TRMT44: variants seen among roughly 807,000 people sequenced by gnomAD.
TRMT44 encodes tRNA methyltransferase 44 homolog, also known as probable tRNA (uracil-O(2)-)-methyltransferase.
In TRMT44, 78 loss-of-function variants were observed where a neutral mutation model predicts 77.3. That is an observed-to-expected ratio of 1.01 (90% CI 0.84 to 1.22). TRMT44 has a LOEUF of 1.22. TRMT44 is among the 50% of genes most tolerant of loss of function. The pLI is 0.00. For missense variants in TRMT44, 1,090 were observed against 964.4 expected (o/e 1.13, Z -1.73); for synonymous variants, 391 against 383.3 (o/e 1.02, Z -0.23).
chr4:8,514,726 C>T, the TRMT44 span, among the ~76,000 whole-genome samples: 4 of 152,122 alleles, frequency 2.6e-5, no homozygotes, highest in Non-Finnish European at 4.4e-5. Flanking sequence ...TGGGGGGCAG[C>T]GCTACATGGA....
At chr4:8,498,215 C>T (rs1357780923), downstream of TRMT44, among the ~76,000 whole-genome samples, 1 of 152,190 alleles carries the variant, frequency 6.6e-6, no homozygotes, top group Non-Finnish European at 1.5e-5. This position sits in a 1 kb window ranked among gnomAD's most constrained non-coding sequence, Gnocchi z 4.3. Flanking sequence ...AAGATGATGA[C>T]ATTTTGCTTG....
At chr4:8,456,923 A>G (rs1251769122) in intron 6 of TRMT44, among the ~76,000 whole-genome samples, 1 of 152,058 alleles carries the variant, frequency 6.6e-6, no homozygotes, top group Non-Finnish European at 1.5e-5. Context: ...GTGGTGGCTC[A>G]TGCCTGTAAT....
chr4:8,504,708 C>T, the TRMT44 span, among the ~76,000 whole-genome samples: 3,104 of 152,240 alleles, frequency 0.02, 85 homozygotes, highest in African/African-American at 0.071. The surrounding 1 kb of genome is among the most constrained non-coding windows in gnomAD (Gnocchi z 5.3). Flanking sequence ...CCTGGGGTCT[C>T]AAGGGTCTGC....
intron 2 of TRMT44, among the ~76,000 whole-genome samples, chr4:8,484,358 C>T (rs1455126288): frequency 2.0e-5 from 3 of 151,916 alleles, no homozygotes; most frequent in Admixed American, 1.3e-4. Context: ...CTGAAGGAGC[C>T]GGAGAGCAGA....
chr4:8,499,675 C>G, the TRMT44 span, among the ~76,000 whole-genome samples: 1 of 151,972 alleles, frequency 6.6e-6, no homozygotes, highest in Non-Finnish European at 1.5e-5. Context: ...AAACTAAATA[C>G]CGTGTGTTCT....
chr4:8,481,955 A>G (rs1432893642), intron 2 of TRMT44, among the ~76,000 whole-genome samples: 3 of 152,150 alleles, frequency 2.0e-5, no homozygotes, highest in African/African-American at 4.8e-5. Flanking sequence ...TTCATCATAG[A>G]TTTGCCTGTA....
the TRMT44 span, chr4:8,509,485 C>T: frequency 2.0e-5 from 3 of 152,708 alleles, no homozygotes; most frequent in Non-Finnish European, 2.9e-5. Context: ...GCCCCAACTC[C>T]GAGCCAGGGC....
intron 2 of TRMT44, among the ~76,000 whole-genome samples, chr4:8,448,283 T>G (rs1725194263): frequency 6.6e-6 from 1 of 152,200 alleles, no homozygotes; most frequent in African/African-American, 2.4e-5. Context: ...CGGCAACATT[T>G]GTTGTGTGCC....
the TRMT44 span, among the ~76,000 whole-genome samples, chr4:8,500,306 A>G: frequency 1.3e-5 from 2 of 152,098 alleles, no homozygotes; most frequent in Non-Finnish European, 2.9e-5. Flanking sequence ...AGCCTGGCCA[A>G]TATCGTGTAA....
the TRMT44 span, among the ~76,000 whole-genome samples, chr4:8,516,569 C>T: frequency 6.6e-6 from 1 of 152,174 alleles, no homozygotes; most frequent in African/African-American, 2.4e-5. Flanking sequence ...GGCTTGAGGC[C>T]AGGAGTTCAA....
At chr4:8,464,153 T>C in intron 7 of TRMT44, 62 bp downstream of exon 7, 1 of 1,396,914 alleles carries the variant, frequency 7.2e-7, no homozygotes, top group Non-Finnish European at 1.0e-6. Flanking sequence ...TAAACAGTGG[T>C]GTCCAAAAGG....
intron 1 of TRMT44, among the ~76,000 whole-genome samples, chr4:8,445,613 A>G (rs531542560): frequency 1.3e-5 from 2 of 152,074 alleles, no homozygotes; most frequent in Non-Finnish European, 2.9e-5. Context: ...CTCAAATGTC[A>G]CCTAACTAGG....
intron 7 of TRMT44, among the ~76,000 whole-genome samples, chr4:8,464,685 G>A (rs1202260147): frequency 6.6e-6 from 1 of 152,186 alleles, no homozygotes; most frequent in Non-Finnish European, 1.5e-5. Context: ...CCCTTTAACC[G>A]TTCCTATTAA....
chr4:8,513,361 C>G, the TRMT44 span, among the ~76,000 whole-genome samples: 1 of 152,158 alleles, frequency 6.6e-6, no homozygotes, highest in East Asian at 1.9e-4. Context: ...TTCACTATCA[C>G]GAGAACAGCA....
chr4:8,513,037 A>T, the TRMT44 span, among the ~76,000 whole-genome samples: 1 of 152,072 alleles, frequency 6.6e-6, no homozygotes, highest in Non-Finnish European at 1.5e-5. Flanking sequence ...GTCAGACTGT[A>T]ATCTCAGTAG....
chr4:8,478,625 T>C, downstream of TRMT44: 1 of 152,748 alleles, frequency 6.5e-6, no homozygotes, highest in Non-Finnish European at 1.5e-5. Context: ...GGGGCACTGA[T>C]CATGGCAGCC....
downstream of TRMT44, among the ~76,000 whole-genome samples, chr4:8,494,367 A>C (rs1429624400): frequency 3.9e-5 from 6 of 152,176 alleles, no homozygotes; most frequent in Admixed American, 3.9e-4. Flanking sequence ...ACAGAGCTCA[A>C]AGTCATCCCT....
At position 8,452,147 on chromosome 4, in the gene TRMT44, G is replaced by C. The variant is rs560428632; in HGVS notation, c.1023+119G>C. On this transcript the variant is annotated intron_variant, in intron 4 of 10. Coordinates refer to ENST00000389737, the MANE Select transcript of TRMT44 (RefSeq NM_152544.3). This position sits in a 1 kb window ranked among gnomAD's most constrained non-coding sequence, Gnocchi z 5.7. Reference sequence around the variant, plus strand: ...ACTGCCGGTGCTCACAATTCTGCTGGCCAAGGTTGGTTTCTCGTGTAATGG... The same window carrying C: ...ACTGCCGGTGCTCACAATTCTGCTGCCCAAGGTTGGTTTCTCGTGTAATGG... The C allele has an allele frequency of 3.3e-6, 3 of 917,242 alleles. No homozygotes were observed. The East Asian group carries it at 8.1e-5, about 25-fold the overall frequency. 56.8% of individuals were successfully genotyped at this position (917,242 alleles called of 1,614,324 possible).
At chr4:8,514,800 A>G in the TRMT44 span, among the ~76,000 whole-genome samples, 1 of 152,114 alleles carries the variant, frequency 6.6e-6, no homozygotes, top group East Asian at 1.9e-4. Context: ...AAAATGTTGT[A>G]CTTAACACAG....
Sources: gnomAD v4.1 joint callset for allele counts (sites outside exome capture counted in the v4.1 genomes callset) on GRCh38, gnomAD v4.1.1 for gene constraint, Gnocchi (gnomAD v3.1) non-coding constraint, MANE v1.5 for transcripts, NCBI Gene and HGNC (gene_info 2026-07-23, HGNC 2026-07-21) for gene names.